The following RASGRF2 variants were observed in gnomAD, a reference collection of about 807,000 sequenced individuals.
RASGRF2 encodes ras-specific guanine nucleotide-releasing factor 2.
RASGRF2 carries 76 observed loss-of-function variants against 151.0 expected under a neutral mutation model. The observed-to-expected ratio is 0.50, with a 90% CI of 0.42 to 0.61. The LOEUF (loss-of-function observed/expected upper bound fraction) is 0.61. Ranked by LOEUF, RASGRF2 falls within the 20% of genes least tolerant of loss-of-function variation. RASGRF2 has a pLI of 0.00. For synonymous variants in RASGRF2, 504 were observed against 566.5 expected, an observed-to-expected ratio of 0.89 and a Z score of 1.57; for missense variants, 1,148 against 1,564.6, an observed-to-expected ratio of 0.73 and a Z score of 4.49.
intron 26 of RASGRF2, 148 bp from the exon 27 acceptor site, chr5:81,225,530 T>C: frequency 9.5e-7 from 1 of 1,049,162 alleles, no homozygotes; most frequent in Non-Finnish European, 1.3e-6. Flanking sequence ...TTTTTTTTTT[T>C]AACAATGGAA....
At chr5:81,008,661 T>A (rs1432050556) in intron 1 of RASGRF2, among the ~76,000 whole-genome samples, 1 of 152,124 alleles carries the variant, frequency 6.6e-6, no homozygotes, top group African/African-American at 2.4e-5. Flanking sequence ...ATGGATAAAA[T>A]GGATTCCTCC....
rs539053194 is a variant in RASGRF2 at position 81,165,411 on chromosome 5, C to T, written c.2687-14764C>T. Among the ~76,000 whole-genome samples the T allele has an allele frequency of 2.6e-5, 4 of 152,204 alleles. No homozygotes were observed. The South Asian group carries it at 8.3e-4, about 32-fold the overall frequency. ...CCGAGTCCCTACCATGTGTAAGGCC[C>T]TTTTCCATGCAGGGAGGTATAAATG... On this transcript the variant is annotated intron_variant, in intron 17 of 26. Transcript: ENST00000265080.
At chr5:81,003,480 C>G (rs1475320376) in intron 1 of RASGRF2, among the ~76,000 whole-genome samples, 1 of 152,106 alleles carries the variant, frequency 6.6e-6, no homozygotes, top group Non-Finnish European at 1.5e-5. Context: ...GCCTTGGCCT[C>G]CCAAAGTGCT....
intron 17 of RASGRF2, among the ~76,000 whole-genome samples, chr5:81,157,169 C>T (rs530163574): frequency 2.0e-5 from 3 of 151,712 alleles, no homozygotes; most frequent in East Asian, 3.9e-4. Flanking sequence ...ATCGAGACCA[C>T]GGTGAAACCC....
At chr5:81,096,408 A>G (rs1752548954) in intron 12 of RASGRF2, 2 of 152,206 alleles carry the variant, frequency 1.3e-5, no homozygotes, top group Admixed American at 1.3e-4. Flanking sequence ...GCTGTCAGGT[A>G]TTGTGCAGGT....
At chr5:81,184,729 A>G (rs1169232368) in intron 18 of RASGRF2, among the ~76,000 whole-genome samples, 1 of 152,156 alleles carries the variant, frequency 6.6e-6, no homozygotes, top group Admixed American at 6.5e-5. Flanking sequence ...CTCCTCCCCA[A>G]AGGAGTTTAC....
At chr5:81,061,967 A>T (rs153246) in intron 2 of RASGRF2, among the ~76,000 whole-genome samples, 2 of 145,216 alleles carry the variant, frequency 1.4e-5, no homozygotes, top group African/African-American at 5.2e-5. Context: ...AGGATTACAG[A>T]CATGAGCCAC....
Position 81,113,574 on chromosome 5 carries a change from C to T in RASGRF2, c.2124C>T (p.Asn708=). The T allele has an allele frequency of 1.2e-6, 2 of 1,610,448 alleles. No individual in the cohort carries two copies. The highest frequency in any genetic ancestry group is 1.7e-6 in the Non-Finnish European group (2 of 1,176,680). ...LELFFATSQN[N]RGEHLVDGKS... is the part of the protein sequence containing the mutation. ...TGTTTTTTGCTACCAGCCAGAACAA[C>T]AGAGGTGAACATTTGGTGGATGGCA... Residue 708 remains asparagine (N), a synonymous_variant, in exon 15 of 27, where the codon AAC becomes AAT. Transcript: ENST00000265080.
rs58503056 is a variant in RASGRF2, at chr5:81,127,251, G to A, written c.2686+88G>A. On this transcript the variant is annotated intron_variant, in intron 17 of 26. Transcript: ENST00000265080. ...CTGCCAGTGTCTTGATGAGACACTC[G>A]GCAGCTCTCACACTGGAATCCCAGC... is the stretch of plus-strand genomic sequence containing the variant. 5.3e-3 allele frequency: 7,042 copies of A among 1,330,758 alleles called. 247 individuals carry two copies. In the African/African-American group the frequency reaches 0.085, roughly 16 times the overall value. 82.4% of individuals were successfully genotyped at this position (1,330,758 alleles called of 1,614,324 possible). A position where few individuals can be genotyped will look rare whatever the true frequency, so the allele number is the denominator to read the frequency against.
At chr5:81,193,642 C>T (rs748242210) in intron 18 of RASGRF2, among the ~76,000 whole-genome samples, 15 of 151,998 alleles carry the variant, frequency 9.9e-5, no homozygotes, top group Admixed American at 1.3e-4. Flanking sequence ...CAGCCTCCTG[C>T]GTAGCTGGGA....
At chr5:81,102,058 A>C (rs1457674948) in intron 12 of RASGRF2, among the ~76,000 whole-genome samples, 1 of 152,186 alleles carries the variant, frequency 6.6e-6, no homozygotes, top group African/African-American at 2.4e-5. Context: ...AAAATTAAAA[A>C]ATTTTAATGC....
At chr5:81,003,513 G>A (rs1054040267) in intron 1 of RASGRF2, among the ~76,000 whole-genome samples, 8 of 152,074 alleles carry the variant, frequency 5.3e-5, no homozygotes, top group African/African-American at 1.7e-4. Context: ...GTGAGCCACT[G>A]CGCCCGGCAT....
intron 17 of RASGRF2, among the ~76,000 whole-genome samples, chr5:81,132,077 A>T (rs1442118754): frequency 6.6e-6 from 1 of 152,126 alleles, no homozygotes; most frequent in Non-Finnish European, 1.5e-5. Context: ...TTTCCTCAAC[A>T]CTTATCACTA....
intron 1 of RASGRF2, among the ~76,000 whole-genome samples, chr5:81,003,053 A>AATTTAATAT (rs1749128332): frequency 6.7e-6 from 1 of 149,882 alleles, no homozygotes; most frequent in Non-Finnish European, 1.5e-5. Flanking sequence ...AATATCACAA[A>AATTTAATAT]GAGACTATTT....
At position 81,207,249 on chromosome 5, in the gene RASGRF2, G is replaced by T; in HGVS notation, c.2971G>T (p.Asp991Tyr). The change falls in exon 21 of 27, where the codon GAC becomes TAC. Residue 991 changes from aspartate to tyrosine, a missense_variant. Around this residue, in one of 5 missense-constraint regions of RASGRF2, gnomAD observed 646 missense variants for 807.4 expected, o/e 0.80. Transcript: ENST00000265080. ...LKLEDIIQMTDCMKAECFESL... is the reference protein window; with the variant it reads ...LKLEDIIQMTYCMKAECFESL... ...TTCCCTCCCTCATCTCTTGCAGACT[G>T]ACTGCATGAAGGCCGAATGCTTTGA... The T allele has an allele frequency of 6.2e-7, 1 of 1,614,074 alleles. No homozygotes were observed. Among genetic ancestry groups the T allele is most frequent in the South Asian group, 1.1e-5 (1 of 91,056 alleles).
At chr5:81,068,801 T>C (rs748555950) in intron 3 of RASGRF2, among the ~76,000 whole-genome samples, 8 of 152,006 alleles carry the variant, frequency 5.3e-5, no homozygotes, top group Admixed American at 3.3e-4. Flanking sequence ...GGTTTTAGAG[T>C]CCACAGCCAT....
chr5:81,214,236 A>C (rs370201400), intron 23 of RASGRF2, among the ~76,000 whole-genome samples: 2 of 152,234 alleles, frequency 1.3e-5, no homozygotes, highest in East Asian at 1.9e-4. Flanking sequence ...TGAATATACC[A>C]TCTGTAGAGG....
intron 25 of RASGRF2, 186 bp from the exon 26 acceptor site, chr5:81,219,524 T>C: frequency 2.0e-6 from 1 of 506,968 alleles, no homozygotes; most frequent in East Asian, 3.3e-5. Flanking sequence ...TTTTGGCATT[T>C]CATGTGCCTC....
At chr5:80,974,859 C>G (rs9986117) in intron 1 of RASGRF2, among the ~76,000 whole-genome samples, 41,455 of 151,888 alleles carry the variant, frequency 0.27, 6,038 homozygotes, top group Middle Eastern at 0.43. Flanking sequence ...TAATTTGAGG[C>G]CCTGTTATTT....
Sources: gnomAD v4.1 joint callset for allele counts (sites outside exome capture counted in the v4.1 genomes callset) on GRCh38, gnomAD v4.1.1 for gene constraint, gnomAD v4.1.1 regional missense constraint, MANE v1.5 for transcripts, NCBI Gene and HGNC (gene_info 2026-07-23, HGNC 2026-07-21) for gene names.